The following IL1R1 variants were observed in gnomAD, a reference collection of about 807,000 sequenced individuals.
The protein encoded by IL1R1 is interleukin 1 receptor type 1, also known as interleukin-1 receptor type 1.
A neutral mutation model predicts 50.2 loss-of-function variants in IL1R1; 22 were observed. That is an observed-to-expected ratio of 0.44 (90% CI 0.31 to 0.63). The LOEUF (loss-of-function observed/expected upper bound fraction) is 0.63. IL1R1 is among the 20% of genes least tolerant of loss of function. The pLI is 0.07. For synonymous variants in IL1R1, 251 were observed against 236.7 expected, an observed-to-expected ratio of 1.06 and a Z score of -0.55; for missense variants, 509 against 676.2, an observed-to-expected ratio of 0.75 and a Z score of 2.74.
chr2:102,099,922 C>G (rs1680068195), upstream of IL1R1, among the ~76,000 whole-genome samples: 2 of 152,126 alleles, frequency 1.3e-5, no homozygotes, highest in Admixed American at 1.3e-4. Flanking sequence ...TCTTTTGGGA[C>G]CCTGATTTGC....
chr2:102,149,850 G>T (rs1683496705), intron 1 of IL1R1, among the ~76,000 whole-genome samples: 1 of 152,176 alleles, frequency 6.6e-6, no homozygotes. Flanking sequence ...GAGCCATGCG[G>T]TGGGACTGCT....
chr2:102,097,932 G>C (rs1679975435), intron 1 of IL1R1, among the ~76,000 whole-genome samples: 1 of 151,930 alleles, frequency 6.6e-6, no homozygotes, highest in Non-Finnish European at 1.5e-5. Flanking sequence ...TATGAAGCTG[G>C]AATACCATTG....
At chr2:102,168,385 G>A (rs1685381655) in intron 6 of IL1R1, among the ~76,000 whole-genome samples, 1 of 152,200 alleles carries the variant, frequency 6.6e-6, no homozygotes, top group South Asian at 2.1e-4. Context: ...GAATTCGGAA[G>A]GTCTAGCTCT....
chr2:102,160,553 C>G (rs1025043884), intron 3 of IL1R1, among the ~76,000 whole-genome samples: 1 of 152,114 alleles, frequency 6.6e-6, no homozygotes, highest in African/African-American at 2.4e-5. Context: ...CAGCTTACAG[C>G]TTGCCCTTCA....
rs768341777 is a variant in IL1R1, at chr2:102,176,484, G to A, written c.1435G>A (p.Val479Ile). 1 of 1,614,202 alleles carries A rather than the reference G, an allele frequency of 6.2e-7. No individual in the cohort carries two copies. Among genetic ancestry groups the A allele is most frequent in the Admixed American group, 1.7e-5 (1 of 60,028 alleles). ...EEQIAMYNAL[V>I]QDGIKVVLLE... ...GCAAATAGCCATGTATAATGCTCTT[G>A]TTCAGGATGGAATTAAAGTTGTCCT... is the stretch of plus-strand genomic sequence containing the variant. Residue 479 changes from valine to isoleucine, a missense_variant, in exon 12 of 12, where the codon GTT (valine) becomes ATT (isoleucine). Val to Ile is a conservative substitution (Grantham distance 29). Coordinates refer to ENST00000410023, the MANE Select transcript of IL1R1 (RefSeq NM_000877.4).
At chr2:102,083,923 G>A (rs756592974) in intron 1 of IL1R1, among the ~76,000 whole-genome samples, 11 of 145,298 alleles carry the variant, frequency 7.6e-5, no homozygotes, top group Non-Finnish European at 1.4e-4. Context: ...CAGCTTAAGC[G>A]ACTGAGCAAG....
chr2:102,118,386 A>G (rs1681212580), intron 1 of IL1R1, among the ~76,000 whole-genome samples: 1 of 152,096 alleles, frequency 6.6e-6, no homozygotes. Context: ...CCTTTATTGT[A>G]TTCTTTATTA....
intron 1 of IL1R1, among the ~76,000 whole-genome samples, chr2:102,131,278 G>A (rs774440872): frequency 1.3e-5 from 2 of 152,098 alleles, no homozygotes; most frequent in Non-Finnish European, 2.9e-5. Flanking sequence ...TAACTCAAAT[G>A]CATCCTAAGA....
At chr2:102,141,482 C>T (rs1682643942), upstream of IL1R1, among the ~76,000 whole-genome samples, 1 of 152,168 alleles carries the variant, frequency 6.6e-6, no homozygotes, top group Non-Finnish European at 1.5e-5. Flanking sequence ...GGAAAAGGAA[C>T]CATAAAAGCT....
intron 1 of IL1R1, among the ~76,000 whole-genome samples, chr2:102,095,502 A>T (rs924869054): frequency 6.6e-6 from 1 of 152,206 alleles, no homozygotes; most frequent in African/African-American, 2.4e-5. Context: ...TAAGGCCCAT[A>T]TAAGGCCTTA....
intron 1 of IL1R1, among the ~76,000 whole-genome samples, chr2:102,074,944 C>T (rs1456774800): frequency 5.3e-5 from 8 of 151,902 alleles, no homozygotes; most frequent in Admixed American, 2.6e-4. Flanking sequence ...ATATTTAACT[C>T]ATTAATTATC....
chr2:102,160,198 G>A (rs1204062957), intron 3 of IL1R1, among the ~76,000 whole-genome samples: 1 of 151,858 alleles, frequency 6.6e-6, no homozygotes, highest in Non-Finnish European at 1.5e-5. Context: ...AAATTTATTG[G>A]CATAACATTG....
At chr2:102,122,809 C>G (rs1681473080) in intron 1 of IL1R1, among the ~76,000 whole-genome samples, 1 of 152,188 alleles carries the variant, frequency 6.6e-6, no homozygotes, top group African/African-American at 2.4e-5. Context: ...CTCTGCATCT[C>G]CCAAGTGATG....
At chr2:102,095,046 C>A (rs1306154574) in intron 1 of IL1R1, among the ~76,000 whole-genome samples, 3 of 152,092 alleles carry the variant, frequency 2.0e-5, no homozygotes, top group Non-Finnish European at 4.4e-5. Flanking sequence ...ATACATATGA[C>A]AATACTTAAC....
At chr2:102,152,371 G>A (rs1683747920) in intron 1 of IL1R1, among the ~76,000 whole-genome samples, 1 of 151,506 alleles carries the variant, frequency 6.6e-6, no homozygotes, top group Non-Finnish European at 1.5e-5. Flanking sequence ...CGGGCGTGGT[G>A]GCAGGCACCT....
chr2:102,132,442 T>C (rs1682089152), intron 1 of IL1R1, among the ~76,000 whole-genome samples: 2 of 152,152 alleles, frequency 1.3e-5, no homozygotes, highest in Non-Finnish European at 2.9e-5. Context: ...TACAGTATCA[T>C]TTATAGGAAC....
chr2:102,105,226 G>C (rs1559464143), intron 1 of IL1R1, among the ~76,000 whole-genome samples: 1 of 152,188 alleles, frequency 6.6e-6, no homozygotes, highest in Non-Finnish European at 1.5e-5. Flanking sequence ...TAAGTGAAAG[G>C]TGTTGTAAAT....
At position 102,176,547 on chromosome 2, in the gene IL1R1, C is replaced by T; in HGVS notation, c.1498C>T (p.Pro500Ser). 6.2e-7 allele frequency: 1 copy of T among 1,614,126 alleles called. No individual in the cohort carries two copies. Among genetic ancestry groups the T allele is most frequent in the Non-Finnish European group, 8.5e-7 (1 of 1,180,008 alleles). The change falls in exon 12 of 12, where the codon CCA (proline) becomes TCA (serine). Residue 500 changes from proline (P) to serine (S), a missense_variant. Transcript: ENST00000410023. ...LEKIQDYEKMPESIKFIKQKH... is the reference protein window; with the variant it reads ...LEKIQDYEKMSESIKFIKQKH... ...GAAAATCCAAGACTATGAGAAAATG[C>T]CAGAATCGATTAAATTCATTAAGCA...
At chr2:102,088,887 T>G (rs535408930) in intron 1 of IL1R1, among the ~76,000 whole-genome samples, 4 of 152,240 alleles carry the variant, frequency 2.6e-5, no homozygotes, top group African/African-American at 9.6e-5. Context: ...CAACCTCTGC[T>G]AGCTTCCAAC....
Sources: gnomAD v4.1 joint callset for allele counts (sites outside exome capture counted in the v4.1 genomes callset) on GRCh38, gnomAD v4.1.1 for gene constraint, MANE v1.5 for transcripts, NCBI Gene and HGNC (gene_info 2026-07-23, HGNC 2026-07-21) for gene names.